The following EYA4 variants were observed in gnomAD, a reference collection of about 807,000 sequenced individuals.
EYA4 encodes the protein EYA transcriptional coactivator and phosphatase 4, also known as protein phosphatase EYA4.
EYA4 carries 31 observed loss-of-function variants against 87.9 expected under a neutral mutation model. That is an observed-to-expected ratio of 0.35 (90% CI 0.27 to 0.48). EYA4 has a LOEUF of 0.48. EYA4 is among the 20% of genes least tolerant of loss of function. EYA4 has a pLI of 0.99. For synonymous variants in EYA4, 263 were observed against 270.6 expected (o/e 0.97, Z 0.28); for missense variants, 678 against 761.4 (o/e 0.89, Z 1.29).
At chr6:133,392,527 C>G (rs1387004457) in intron 3 of EYA4, among the ~76,000 whole-genome samples, 1 of 152,046 alleles carries the variant, frequency 6.6e-6, no homozygotes, top group Admixed American at 6.6e-5. Flanking sequence ...GGCAGGGAGA[C>G]CAGCTATGAA....
At chr6:133,280,164 A>G (rs1273602709) in intron 2 of EYA4, among the ~76,000 whole-genome samples, 1 of 152,194 alleles carries the variant, frequency 6.6e-6, no homozygotes, top group East Asian at 1.9e-4. Context: ...CTTGTTTACA[A>G]CATGTAATTT....
intron 2 of EYA4, among the ~76,000 whole-genome samples, chr6:133,365,504 G>A (rs1339783817): frequency 6.6e-6 from 1 of 151,990 alleles, no homozygotes; most frequent in Non-Finnish European, 1.5e-5. Context: ...CCAAGAGGAG[G>A]GGGGGCACTT....
At chr6:133,418,136 C>T (rs970984) in intron 3 of EYA4, among the ~76,000 whole-genome samples, 4,916 of 152,222 alleles carry the variant, frequency 0.032, 259 homozygotes, top group East Asian at 0.23. Flanking sequence ...GGGTCTTTCT[C>T]GAGCTATTCA....
In EYA4 at chr6:133,302,834, T is replaced by C. The variant is rs111276093; in HGVS notation, c.33+28021T>C. 8.6e-3 allele frequency among the ~76,000 whole-genome samples: 1,314 copies of C among 152,356 alleles called. 16 individuals are homozygous for C. Among genetic ancestry groups the C allele is most frequent in the African/African-American group, 0.03 (1,239 of 41,586 alleles). ...AAATGTTTGCTGTAGTCAAGAAATATTATATTAGCAATATCAACCACAGAT... is the reference window on the plus strand; with the variant it reads ...AAATGTTTGCTGTAGTCAAGAAATACTATATTAGCAATATCAACCACAGAT... On this transcript the variant is annotated intron_variant, in intron 2 of 19. Transcript: ENST00000355286.
At chr6:133,354,149 A>C (rs1464764826) in intron 2 of EYA4, among the ~76,000 whole-genome samples, 1 of 152,156 alleles carries the variant, frequency 6.6e-6, no homozygotes, top group African/African-American at 2.4e-5. Context: ...TAATAACTGC[A>C]TTAATGTTTG....
intron 3 of EYA4, among the ~76,000 whole-genome samples, chr6:133,433,396 G>C (rs777395204): frequency 1.3e-5 from 2 of 152,206 alleles, no homozygotes; most frequent in Non-Finnish European, 2.9e-5. Context: ...ACAGAAATTA[G>C]CTCAATAACT....
intron 3 of EYA4, among the ~76,000 whole-genome samples, chr6:133,424,247 C>A (rs1331514756): frequency 6.6e-6 from 1 of 152,158 alleles, no homozygotes; most frequent in Non-Finnish European, 1.5e-5. Context: ...GAAGTGCCTG[C>A]CAAATGGTCC....
intron 2 of EYA4, among the ~76,000 whole-genome samples, chr6:133,310,925 G>T (rs527346486): frequency 6.6e-6 from 1 of 152,136 alleles, no homozygotes; most frequent in Non-Finnish European, 1.5e-5. Context: ...TATTATTCTT[G>T]TTTAGTTTCC....
intron 2 of EYA4, among the ~76,000 whole-genome samples, chr6:133,350,430 TG>T (rs1444895213): frequency 6.6e-6 from 1 of 152,082 alleles, no homozygotes; most frequent in African/African-American, 2.4e-5. Flanking sequence ...ACTAAGTGGT[TG>T]ATGAGGGTAT....
At chr6:133,249,455 C>T (rs2128227652) in intron 1 of EYA4, among the ~76,000 whole-genome samples, 1 of 152,272 alleles carries the variant, frequency 6.6e-6, no homozygotes, top group African/African-American at 2.4e-5. Flanking sequence ...CCCTCCTGGA[C>T]TTAAAATTCC....
At chr6:133,436,201 C>T (rs758383512) in intron 3 of EYA4, among the ~76,000 whole-genome samples, 1 of 150,162 alleles carries the variant, frequency 6.7e-6, no homozygotes, top group Non-Finnish European at 1.5e-5. Context: ...CTCTGGGCGA[C>T]AGAGCAAGAC....
chr6:133,405,823 G>A (rs2128524852), intron 3 of EYA4, among the ~76,000 whole-genome samples: 1 of 152,212 alleles, frequency 6.6e-6, no homozygotes, highest in South Asian at 2.1e-4. Context: ...TGCCTGGCCA[G>A]GGAAGGCCTT....
rs559840549 is a variant in EYA4 at position 133,285,501 on chromosome 6, T to A, written c.33+10688T>A. ...GCTGCAAAGGTAATCAGCATGGGCA[T>A]GTGAGGGTGGAGGAATACATATTGT... On this transcript the variant is annotated intron_variant, in intron 2 of 19. Coordinates refer to ENST00000355286, the MANE Select transcript of EYA4 (RefSeq NM_004100.5). Among the ~76,000 whole-genome samples the A allele has an allele frequency of 5.9e-5, 9 of 152,254 alleles. No individual in the cohort carries two copies. In the South Asian group the frequency reaches 1.7e-3, roughly 28 times the overall value.
intron 3 of EYA4, among the ~76,000 whole-genome samples, chr6:133,426,721 C>T (rs926568221): frequency 1.3e-5 from 2 of 152,186 alleles, no homozygotes; most frequent in Non-Finnish European, 2.9e-5. Flanking sequence ...AGCTCTGTTC[C>T]TTCCAGCTTG....
chr6:133,363,318 A>G (rs1784593607), intron 2 of EYA4: 1 of 152,166 alleles, frequency 6.6e-6, no homozygotes, highest in Non-Finnish European at 1.5e-5. Context: ...TCAGTTCTCT[A>G]TGACTGATGG....
chr6:133,416,162 T>C (rs1789694673), intron 3 of EYA4, among the ~76,000 whole-genome samples: 1 of 152,118 alleles, frequency 6.6e-6, no homozygotes. Flanking sequence ...CAGATGAACC[T>C]TTATGGAGGG....
At chr6:133,243,046 G>A (rs983328864) in intron 1 of EYA4, among the ~76,000 whole-genome samples, 10 of 151,410 alleles carry the variant, frequency 6.6e-5, no homozygotes, top group African/African-American at 2.4e-4. Flanking sequence ...ATAGCGCCCG[G>A]GCGTGTGTTT....
At chr6:133,292,693 G>A (rs971266495) in intron 2 of EYA4, among the ~76,000 whole-genome samples, 6 of 152,250 alleles carry the variant, frequency 3.9e-5, no homozygotes, top group African/African-American at 1.4e-4. Context: ...AAATTTTTGT[G>A]TTAATGTTTT....
intron 3 of EYA4, among the ~76,000 whole-genome samples, chr6:133,390,524 A>G (rs949025284): frequency 2.6e-5 from 4 of 152,054 alleles, no homozygotes; most frequent in Non-Finnish European, 4.4e-5. Flanking sequence ...ACCTGGCCCT[A>G]TTTCCCTTAT....
Sources: allele counts gnomAD v4.1 joint callset (sites outside exome capture counted in the v4.1 genomes callset), GRCh38; gene constraint gnomAD v4.1.1; transcripts MANE v1.5; gene names NCBI Gene and HGNC (gene_info 2026-07-23, HGNC 2026-07-21).